Variants in SLC25A36 observed in about 807,000 individuals in gnomAD.
SLC25A36 encodes the protein solute carrier family 25 member 36.
SLC25A36 carries 24 observed loss-of-function variants against 35.3 expected under a neutral mutation model. That is an observed-to-expected ratio of 0.68 (90% confidence interval 0.49 to 0.96). The LOEUF is 0.96. Ranked by LOEUF, SLC25A36 falls within the 40% of genes least tolerant of loss-of-function variation. SLC25A36 has a pLI of 0.00. For synonymous variants in SLC25A36, 141 were observed against 132.2 expected (o/e 1.07, Z -0.46); for missense variants, 294 against 381.1 (o/e 0.77, Z 1.90).
intron 1 of SLC25A36, among the ~76,000 whole-genome samples, chr3:140,943,169 A>C (rs1934065950): frequency 6.6e-6 from 1 of 152,200 alleles, no homozygotes; most frequent in South Asian, 2.1e-4. Flanking sequence ...TTCTTATCAA[A>C]AATGCCTTCG....
chr3:140,942,060 C>A lies in SLC25A36; in HGVS notation c.6C>A (p.Ser2Arg). ...GAGGACATGCGGGAGAGAGAATGAG[C>A]CAGAGGGACACGCTGGTGCATCTGT... MSQRDTLVHLFA... is the reference protein window; with the variant it reads MRQRDTLVHLFA... The change falls in exon 1 of 7, where the codon AGC becomes AGA. Residue 2 changes from serine (S) to arginine (R), a missense_variant. Transcript: ENST00000324194. The A allele has an allele frequency of 6.7e-7, 1 of 1,490,244 alleles. No homozygotes were observed. Among genetic ancestry groups the A allele is most frequent in the Non-Finnish European group, 9.0e-7 (1 of 1,105,828 alleles). 92.3% of individuals were successfully genotyped at this position (1,490,244 alleles called of 1,614,324 possible). A position where few individuals can be genotyped will look rare whatever the true frequency, so the allele number is the denominator to read the frequency against.
rs10662120 is a variant in SLC25A36, at chr3:140,975,097, CTTTTTTTTTTT to C, written c.742+1112_742+1122del. Reference sequence around the variant, plus strand: ...GTACAGTTGATAAACAAGATACATTCTTTTTTTTTTTTTTTTTTTTTTTTTTTTTTGATAGG... The same window carrying C: ...GTACAGTTGATAAACAAGATACATTCTTTTTTTTTTTTTTTTTTTGATAGG... On this transcript the variant is annotated intron_variant, in intron 6 of 6. Transcript: ENST00000324194. Among the ~76,000 whole-genome samples the C allele has an allele frequency of 2.9e-4, 16 of 55,222 alleles. 1 individual carries two copies. The highest frequency in any genetic ancestry group is 1.9e-3 in the East Asian group (4 of 2,100). 36.2% of individuals were successfully genotyped at this position (55,222 alleles called of 152,430 possible). A position where few individuals can be genotyped will look rare whatever the true frequency, so the allele number is the denominator to read the frequency against.
Position 140,979,057 on chromosome 3 carries a change from G to A in SLC25A36, c.*2604G>A, listed in dbSNP as rs1188228193. On this transcript the variant is annotated 3_prime_UTR_variant, in exon 7 of 7. Coordinates refer to ENST00000324194, the MANE Select transcript of SLC25A36 (RefSeq NM_001104647.3). Reference sequence around the variant, plus strand: ...TGAAGAATTAGCGTTTGTGATTTCGGGATACCATGCAGTGGTTTTAATCCC... The same window carrying A: ...TGAAGAATTAGCGTTTGTGATTTCGAGATACCATGCAGTGGTTTTAATCCC... The A allele has an allele frequency of 2.0e-5, 3 of 152,040 alleles. No individual in the cohort carries two copies. Among genetic ancestry groups the A allele is most frequent in the African/African-American group, 7.2e-5 (3 of 41,404 alleles). 9.4% of individuals were successfully genotyped at this position (152,040 alleles called of 1,614,324 possible).
At chr3:140,975,167 A>C (rs1242569137) in intron 6 of SLC25A36, among the ~76,000 whole-genome samples, 5 of 122,130 alleles carry the variant, frequency 4.1e-5, no homozygotes, top group Non-Finnish European at 8.0e-5. Context: ...GAGTGCAGTC[A>C]CATGATCATA....
chr3:140,946,978 C>G (rs1461366699), intron 1 of SLC25A36, among the ~76,000 whole-genome samples: 1 of 152,060 alleles, frequency 6.6e-6, no homozygotes, highest in East Asian at 1.9e-4. Flanking sequence ...GCTACCTACC[C>G]TCTGGGGACT....
rs888972033 is a variant in SLC25A36, at chr3:140,968,041, A to T, written c.386-2886A>T. ...CAGTATCTTTGTGTGTGTTTGTCAT[A>T]TAAGTAGTGGGAAGATATGTTTAGC... On this transcript the variant is annotated intron_variant, in intron 4 of 6. Transcript: ENST00000324194. The T allele has an allele frequency of 1.2e-5, 12 of 984,770 alleles. No individual in the cohort carries two copies. In the South Asian group the frequency reaches 1.9e-4, roughly 15 times the overall value. 61.0% of individuals were successfully genotyped at this position (984,770 alleles called of 1,614,324 possible). A position where few individuals can be genotyped will look rare whatever the true frequency, so the allele number is the denominator to read the frequency against.
At position 140,956,521 on chromosome 3, in the gene SLC25A36, T is replaced by G; in HGVS notation, c.42-6T>G. On this transcript the variant is annotated splice_region_variant and splice_polypyrimidine_tract_variant and intron_variant, in intron 1 of 6. Transcript: ENST00000324194. ...AAGCTGTGTTCTTTTTTTTTTTTTT[T>G]TTTAGATGTGGTGGTACAGTGGGAG... 6.5e-7 allele frequency: 1 copy of G among 1,535,222 alleles called. No homozygotes were observed. The highest frequency in any genetic ancestry group is 8.7e-7 in the Non-Finnish European group (1 of 1,150,154).
At chr3:140,963,406 T>C (rs972483344) in intron 4 of SLC25A36, 179 bp downstream of exon 4, 2 of 500,348 alleles carry the variant, frequency 4.0e-6, no homozygotes, top group African/African-American at 4.0e-5. Context: ...CAGTTGACAT[T>C]TTTGTAGTCA....
At chr3:140,964,950 A>T (rs186297680) in intron 4 of SLC25A36, 1 of 151,856 alleles carries the variant, frequency 6.6e-6, no homozygotes, top group Admixed American at 6.6e-5. Context: ...AAATGTTAAC[A>T]TATAGTTCAT....
At position 140,980,738 on chromosome 3, in the gene SLC25A36, T is replaced by A. The variant is rs193273356; in HGVS notation, c.*4285T>A. On this transcript the variant is annotated 3_prime_UTR_variant, in exon 7 of 7. Transcript: ENST00000324194. ...ATATATACACGGAGCTTCACTCTTG[T>A]CACCCATGCTGGAGTGCAATGACAT... 5.0e-3 allele frequency among the ~76,000 whole-genome samples: 633 copies of A among 126,802 alleles called. 5 individuals carry two copies. Among genetic ancestry groups the A allele is most frequent in the African/African-American group, 0.018 (604 of 33,344 alleles). The allele number at this position is 126,802 out of a possible 152,430, so 83.2% of individuals were successfully genotyped here.
In SLC25A36 at chr3:140,970,947, A is replaced by G; in HGVS notation, c.406A>G (p.Thr136Ala). ...TTTAGGTTTTACTGCAATCACAGCAACCAACCCCATTTGGCTTATAAAGAC... is the reference window on the plus strand; with the variant it reads ...TTTAGGTTTTACTGCAATCACAGCAGCCAACCCCATTTGGCTTATAAAGAC... ...AMAGFTAITA[T>A]NPIWLIKTRL... is the part of the protein sequence containing the mutation. Residue 136 changes from threonine (T) to alanine (A), a missense_variant, in exon 5 of 7, where the codon ACC (threonine) becomes GCC (alanine). Coordinates refer to ENST00000324194, the MANE Select transcript of SLC25A36 (RefSeq NM_001104647.3). The G allele has an allele frequency of 1.3e-6, 2 of 1,528,772 alleles. No homozygotes were observed. Among genetic ancestry groups the G allele is most frequent in the Non-Finnish European group, 1.8e-6 (2 of 1,103,354 alleles). 94.7% of individuals were successfully genotyped at this position (1,528,772 alleles called of 1,614,324 possible).
intron 4 of SLC25A36, chr3:140,965,812 T>C (rs1010518222): frequency 2.0e-5 from 3 of 151,838 alleles, no homozygotes; most frequent in Non-Finnish European, 3.0e-5. Context: ...AGACTAAGTA[T>C]ATCTCAGCTA....
chr3:140,966,769 C>T (rs531869027), intron 4 of SLC25A36: 37 of 367,832 alleles, frequency 1.0e-4, no homozygotes, highest in South Asian at 7.4e-4. Context: ...TTTTAAATGG[C>T]CCATTTTGAT....
Position 140,980,062 on chromosome 3 carries a change from T to G in SLC25A36, c.*3609T>G, listed in dbSNP as rs1935148785. 6.6e-6 allele frequency: 1 copy of G among 152,230 alleles called. No homozygotes were observed. Among genetic ancestry groups the G allele is most frequent in the Non-Finnish European group, 1.5e-5 (1 of 68,030 alleles). The allele number at this position is 152,230 out of a possible 1,614,324, so 9.4% of individuals were successfully genotyped here. On this transcript the variant is annotated 3_prime_UTR_variant, in exon 7 of 7. Transcript: ENST00000324194. ...AGGTTAAGTTTTAGGCTCGCTTGAT[T>G]CAGTCAGCAAACCTTATCTTGAGCA...
At chr3:140,946,724 G>A (rs1934176701) in intron 1 of SLC25A36, among the ~76,000 whole-genome samples, 1 of 152,140 alleles carries the variant, frequency 6.6e-6, no homozygotes, top group African/African-American at 2.4e-5. Context: ...AACTGAGATG[G>A]GCAAGATTGC....
chr3:140,973,817 C>T lies in SLC25A36; in HGVS notation c.554C>T (p.Ala185Val). 6.2e-7 allele frequency: 1 copy of T among 1,613,256 alleles called. No individual in the cohort carries two copies. Among genetic ancestry groups the T allele is most frequent in the Non-Finnish European group, 8.5e-7 (1 of 1,179,572 alleles). ...GFYRGMSASY[A>V]GISETVIHFV... ...TATAGGGGCATGTCTGCTTCATATG[C>T]TGGTATATCAGAGACTGTTATCCAT... The change falls in exon 6 of 7, where the codon GCT (alanine) becomes GTT (valine). Residue 185 changes from alanine (A) to valine (V), a missense_variant. Coordinates refer to ENST00000324194, the MANE Select transcript of SLC25A36 (RefSeq NM_001104647.3).
intron 5 of SLC25A36, 44 bp from the exon 6 acceptor site, chr3:140,973,672 A>G: frequency 7.4e-7 from 1 of 1,347,876 alleles, no homozygotes; most frequent in Non-Finnish European, 9.7e-7. Context: ...TATTTTACTT[A>G]CTTTAAAAAA....
chr3:140,947,666 A>C (rs1183020563), intron 1 of SLC25A36, among the ~76,000 whole-genome samples: 1 of 152,134 alleles, frequency 6.6e-6, no homozygotes, highest in Non-Finnish European at 1.5e-5. Context: ...ATTTTGCTTT[A>C]TCATCCACAA....
chr3:140,961,378 A>T (rs1333592049), intron 3 of SLC25A36, among the ~76,000 whole-genome samples: 1 of 152,190 alleles, frequency 6.6e-6, no homozygotes, highest in East Asian at 1.9e-4. Context: ...ATTGTATAGC[A>T]TTCTAGCACT....
Sources: allele counts gnomAD v4.1 joint callset (sites outside exome capture counted in the v4.1 genomes callset), GRCh38; gene constraint gnomAD v4.1.1; transcripts MANE v1.5; gene names NCBI Gene and HGNC (gene_info 2026-07-23, HGNC 2026-07-21).